Variants in AKR1C3 observed in about 807,000 individuals in gnomAD.
AKR1C3 encodes 3-alpha hydroxysteroid dehydrogenase, type II.
AKR1C3 carries 48 observed loss-of-function variants against 43.6 expected under a neutral mutation model. The ratio of observed to expected loss-of-function variants is 1.10; its 90% CI spans 0.87 to 1.40. The LOEUF (loss-of-function observed/expected upper bound fraction) is 1.40, where lower values mean the gene tolerates loss of function less well. AKR1C3 is among the 40% of genes most tolerant of loss of function. The probability of loss-of-function intolerance (pLI) is 0.00; values close to 1 mark genes in which losing one functional copy is unlikely to be tolerated. For synonymous variants in AKR1C3, 162 were observed against 139.6 expected (o/e 1.16, Z -1.13); for missense variants, 482 against 391.2 (o/e 1.23, Z -1.96).
At chr10:5,098,728 A>G in intron 3 of AKR1C3, 74 bp from the exon 4 acceptor site, 1 of 1,215,926 alleles carries the variant, frequency 8.2e-7, no homozygotes, top group Non-Finnish European at 1.2e-6. Flanking sequence ...AGTGTCCTTA[A>G]AGGTACCTGG....
At chr10:5,056,799 C>T (rs112558237) in intron 1 of AKR1C3, among the ~76,000 whole-genome samples, 2,905 of 152,264 alleles carry the variant, frequency 0.019, 101 homozygotes, top group African/African-American at 0.066. Context: ...GTGGGACTTT[C>T]AGGCATAACA....
chr10:5,057,397 G>A (rs1838284034), intron 1 of AKR1C3, among the ~76,000 whole-genome samples: 1 of 152,118 alleles, frequency 6.6e-6, no homozygotes, highest in South Asian at 2.1e-4. Flanking sequence ...AAGTTGCCAG[G>A]TTTAATAATG....
chr10:5,086,665 T>C (rs1838973323), intron 1 of AKR1C3, among the ~76,000 whole-genome samples: 1 of 152,166 alleles, frequency 6.6e-6, no homozygotes, highest in Admixed American at 6.5e-5. Flanking sequence ...TGTCTAATGT[T>C]GACAGTGGGG....
intron 1 of AKR1C3, among the ~76,000 whole-genome samples, chr10:5,078,347 G>A (rs1588342985): frequency 6.6e-6 from 1 of 152,206 alleles, no homozygotes; most frequent in East Asian, 1.9e-4. Context: ...GGAGGCTGAG[G>A]CAGGTAGAAT....
At chr10:5,094,393 T>C (rs1839162090), upstream of AKR1C3, 1 of 1,598,030 alleles carries the variant, frequency 6.3e-7, no homozygotes, top group Admixed American at 1.7e-5. Flanking sequence ...GTTTTTGTAA[T>C]CTCTGAGGAG....
At position 5,099,339 on chromosome 10, in the gene AKR1C3, T is replaced by C. The variant is rs1839291183; in HGVS notation, c.460T>C (p.Cys154Arg). ...LCTTWEAMEK[C>R]KDAGLAKSIG... is the part of the protein sequence containing the mutation. ...CCTTTCTCCACAGGCCATGGAGAAG[T>C]GTAAGGATGCAGGATTGGCCAAGTC... The change falls in exon 5 of 9, where the codon TGT becomes CGT. Residue 154 changes from cysteine to arginine, a missense_variant. Cys to Arg is a radical substitution (Grantham distance 180, BLOSUM62 -3). Coordinates refer to ENST00000380554, the MANE Select transcript of AKR1C3 (RefSeq NM_003739.6). 1 of 1,613,950 alleles carries C rather than the reference T, an allele frequency of 6.2e-7. No homozygotes were observed. The highest frequency in any genetic ancestry group is 8.5e-7 in the Non-Finnish European group (1 of 1,180,000).
chr10:5,076,436 T>TA (rs1197008621), intron 1 of AKR1C3, among the ~76,000 whole-genome samples: 1 of 152,110 alleles, frequency 6.6e-6, no homozygotes, highest in Non-Finnish European at 1.5e-5. Flanking sequence ...TCTAGAATTG[T>TA]AAAAAACTAA....
chr10:5,066,294 C>A (rs1171640521), intron 1 of AKR1C3, among the ~76,000 whole-genome samples: 4 of 152,164 alleles, frequency 2.6e-5, no homozygotes, highest in Admixed American at 6.5e-5. Flanking sequence ...CAGTCCAAAA[C>A]AATGGCCTCC....
chr10:5,097,978 C>T, intron 3 of AKR1C3: 1 of 1,030,106 alleles, frequency 9.7e-7, no homozygotes, highest in Non-Finnish European at 1.2e-6. Context: ...AGCCACTATG[C>T]ATGGTTCTTA....
At chr10:5,099,490 C>A in intron 5 of AKR1C3, 41 bp downstream of exon 5, 2 of 1,613,588 alleles carry the variant, frequency 1.2e-6, no homozygotes, top group Non-Finnish European at 1.7e-6. Flanking sequence ...TTCTTCATGC[C>A]CCCTCTTCCT....
At chr10:5,067,955 G>T (rs1030420943) in intron 1 of AKR1C3, among the ~76,000 whole-genome samples, 2 of 152,134 alleles carry the variant, frequency 1.3e-5, no homozygotes, top group Non-Finnish European at 2.9e-5. Flanking sequence ...TCCAAATTAG[G>T]TGCATTGTAC....
intron 1 of AKR1C3, among the ~76,000 whole-genome samples, chr10:5,060,552 G>A (rs917549028): frequency 2.0e-5 from 3 of 152,202 alleles, no homozygotes; most frequent in Non-Finnish European, 4.4e-5. Flanking sequence ...GCCAATTGGT[G>A]TATTTACAAT....
At chr10:5,061,279 G>T (rs1838378085) in intron 1 of AKR1C3, among the ~76,000 whole-genome samples, 2 of 152,200 alleles carry the variant, frequency 1.3e-5, no homozygotes, top group African/African-American at 4.8e-5. Context: ...TCTGAAGAAG[G>T]AGCTGGTGAC....
rs587750929 is a variant in AKR1C3, at chr10:5,107,263, TAAG to T, written c.930-197_930-195del. Reference sequence around the variant, plus strand: ...TGTGTTTTACGTGTTAACTTCCAGATAAGGGAATATGATTGAATAATTTATTAT... The same window carrying T: ...TGTGTTTTACGTGTTAACTTCCAGATGGAATATGATTGAATAATTTATTAT... On this transcript the variant is annotated intron_variant, in intron 8 of 8. Coordinates refer to ENST00000380554, the MANE Select transcript of AKR1C3 (RefSeq NM_003739.6). Among the ~76,000 whole-genome samples, 13 of 152,288 alleles carry T rather than the reference TAAG, an allele frequency of 8.5e-5. No homozygotes were observed. The East Asian group carries it at 2.5e-3, about 29-fold the overall frequency.
intron 1 of AKR1C3, among the ~76,000 whole-genome samples, chr10:5,063,127 T>G (rs1838416619): frequency 6.6e-6 from 1 of 152,220 alleles, no homozygotes; most frequent in Non-Finnish European, 1.5e-5. Flanking sequence ...TTTGAAATTT[T>G]GGAATTGTAC....
intron 1 of AKR1C3, among the ~76,000 whole-genome samples, chr10:5,056,312 G>T (rs546022795): frequency 3.3e-5 from 5 of 152,226 alleles, no homozygotes; most frequent in African/African-American, 1.2e-4. Context: ...ACAGAAGAAG[G>T]CATCCTTGAG....
At chr10:5,060,060 G>A (rs1588332824) in intron 1 of AKR1C3, among the ~76,000 whole-genome samples, 2 of 152,244 alleles carry the variant, frequency 1.3e-5, no homozygotes, top group South Asian at 4.1e-4. Flanking sequence ...AGCTCTTAAG[G>A]TGGAACGTCT....
At chr10:5,102,871 C>T (rs1220318497) in intron 7 of AKR1C3, among the ~76,000 whole-genome samples, 1 of 151,998 alleles carries the variant, frequency 6.6e-6, no homozygotes, top group African/African-American at 2.4e-5. Context: ...TTTTTTATTT[C>T]AGCATTAAGT....
At chr10:5,105,524 C>A in intron 7 of AKR1C3, 71 bp from the exon 8 acceptor site, 1 of 1,160,412 alleles carries the variant, frequency 8.6e-7, no homozygotes, top group Non-Finnish European at 1.3e-6. Context: ...TCTCTGCACC[C>A]TACTGTCTAA....
Sources: gnomAD v4.1 joint callset for allele counts (sites outside exome capture counted in the v4.1 genomes callset) on GRCh38, gnomAD v4.1.1 for gene constraint, MANE v1.5 for transcripts, NCBI Gene and HGNC (gene_info 2026-07-23, HGNC 2026-07-21) for gene names.